DPYSL5: variants seen among roughly 807,000 people sequenced by gnomAD.
DPYSL5 encodes the protein dihydropyrimidinase like 5.
In DPYSL5, 9 loss-of-function variants were observed where a neutral mutation model predicts 58.4. The observed-to-expected ratio is 0.15, with a 90% CI of 0.09 to 0.27. DPYSL5 has a LOEUF of 0.27. Ranked by LOEUF, DPYSL5 falls within the 10% of genes least tolerant of loss-of-function variation. DPYSL5 has a pLI of 1.00. For synonymous variants in DPYSL5, 293 were observed against 301.9 expected (o/e 0.97, Z 0.31); for missense variants, 499 against 770.6 (o/e 0.65, Z 4.17).
At chr2:26,946,366 G>A (rs958324391) in intron 12 of DPYSL5, among the ~76,000 whole-genome samples, 13 of 151,578 alleles carry the variant, frequency 8.6e-5, no homozygotes, top group Admixed American at 3.9e-4. Flanking sequence ...TGGGCTCTCC[G>A]GGGCACTAGA....
chr2:26,887,519 G>A (rs1663750165), intron 1 of DPYSL5, among the ~76,000 whole-genome samples: 1 of 152,218 alleles, frequency 6.6e-6, no homozygotes, highest in Admixed American at 6.5e-5. Context: ...TCTTTGGCAG[G>A]ACTAAAACTG....
intron 2 of DPYSL5, among the ~76,000 whole-genome samples, chr2:26,909,489 T>C (rs1664377607): frequency 1.3e-5 from 2 of 152,142 alleles, no homozygotes; most frequent in South Asian, 4.1e-4. Flanking sequence ...CGGGGCTCAG[T>C]GGCTCGGTGG....
At position 26,905,565 on chromosome 2, in the gene DPYSL5, C is replaced by T. The variant is rs921369484; in HGVS notation, c.261+6805C>T. Among the ~76,000 whole-genome samples, 14 of 152,148 alleles carry T rather than the reference C, an allele frequency of 9.2e-5. No homozygotes were observed. Among genetic ancestry groups the T allele is most frequent in the African/African-American group, 2.2e-4 (9 of 41,426 alleles). On this transcript the variant is annotated intron_variant, in intron 2 of 12. Coordinates refer to ENST00000288699, the MANE Select transcript of DPYSL5 (RefSeq NM_020134.4). This position sits in a 1 kb window ranked among gnomAD's most constrained non-coding sequence, Gnocchi z 4.0. ...CACCTCCCAGCTCGTTTTCCATGCTCGTTCTTCCTGCTGCCCTACCACCCC... is the reference window on the plus strand; with the variant it reads ...CACCTCCCAGCTCGTTTTCCATGCTTGTTCTTCCTGCTGCCCTACCACCCC...
chr2:26,872,086 A>G (rs1472027848), intron 1 of DPYSL5, among the ~76,000 whole-genome samples: 1 of 152,242 alleles, frequency 6.6e-6, no homozygotes. Context: ...CTCCTCACTC[A>G]TAATTCAGTG....
intron 1 of DPYSL5, among the ~76,000 whole-genome samples, chr2:26,852,409 A>G (rs1440126553): frequency 6.6e-6 from 1 of 152,242 alleles, no homozygotes; most frequent in Non-Finnish European, 1.5e-5. Flanking sequence ...GTATTTATGT[A>G]TAAAAGTGGG....
In DPYSL5 at chr2:26,936,458, G is replaced by C. The variant is rs76725965; in HGVS notation, c.947+1724G>C. 2.7e-3 allele frequency among the ~76,000 whole-genome samples: 409 copies of C among 152,304 alleles called. 12 individuals carry two copies. The East Asian group carries it at 0.065, about 24-fold the overall frequency. ...TAGCCAATGCGAGTGGAGTGCCATCGATAGGGGCGTGGGCGAAGGTGGCCT... is the reference window on the plus strand; with the variant it reads ...TAGCCAATGCGAGTGGAGTGCCATCCATAGGGGCGTGGGCGAAGGTGGCCT... On this transcript the variant is annotated intron_variant, in intron 8 of 12. Transcript: ENST00000288699.
intron 6 of DPYSL5, among the ~76,000 whole-genome samples, chr2:26,932,115 A>AGAGAAAG (rs1481729901): frequency 7.0e-6 from 1 of 141,946 alleles, no homozygotes; most frequent in Non-Finnish European, 1.5e-5. Flanking sequence ...AAGAAAAGAA[A>AGAGAAAG]AAAGAAAGAG....
At chr2:26,932,189 A>AGAC (rs1665038716) in intron 6 of DPYSL5, among the ~76,000 whole-genome samples, 4 of 72,154 alleles carry the variant, frequency 5.5e-5, no homozygotes, top group South Asian at 5.3e-4. Context: ...GAAAGAAAGA[A>AGAC]AGAAAGAAAG....
rs546331720 is a variant in DPYSL5 at position 26,924,874 on chromosome 2, C to G, written c.262-13C>G. The G allele has an allele frequency of 1.2e-6, 2 of 1,611,856 alleles. No individual in the cohort carries two copies. The highest frequency in any genetic ancestry group is 1.7e-5 in the Admixed American group (1 of 59,846). On this transcript the variant is annotated splice_polypyrimidine_tract_variant and intron_variant, in intron 2 of 12. Coordinates refer to ENST00000288699, the MANE Select transcript of DPYSL5 (RefSeq NM_020134.4). This position sits in a 1 kb window ranked among gnomAD's most constrained non-coding sequence, Gnocchi z 4.7. ...CAGGGCTGTGACGAGACTGCCTTTT[C>G]CCGTCTTCCCAGGCAGCACTCGTCG...
chr2:26,888,136 A>T (rs971195371), intron 1 of DPYSL5, among the ~76,000 whole-genome samples: 1 of 152,200 alleles, frequency 6.6e-6, no homozygotes, highest in Non-Finnish European at 1.5e-5. Context: ...TTAATAGTCT[A>T]TGCAGCTCTA....
intron 1 of DPYSL5, among the ~76,000 whole-genome samples, chr2:26,865,348 T>C (rs1666115409): frequency 6.8e-6 from 1 of 147,098 alleles, no homozygotes; most frequent in African/African-American, 2.5e-5. Flanking sequence ...TAAGACGAAG[T>C]CTTGCTCTGT....
At chr2:26,863,598 C>A (rs906925058) in intron 1 of DPYSL5, among the ~76,000 whole-genome samples, 16 of 152,178 alleles carry the variant, frequency 1.1e-4, no homozygotes, top group African/African-American at 3.9e-4. Context: ...ACTAAGTGTG[C>A]AATGCAATGG....
At chr2:26,861,030 A>G (rs1202134791) in intron 1 of DPYSL5, among the ~76,000 whole-genome samples, 5 of 152,194 alleles carry the variant, frequency 3.3e-5, no homozygotes, top group Admixed American at 6.5e-5. Flanking sequence ...TCACCCTGTC[A>G]GAGACTCAAC....
upstream of DPYSL5, chr2:26,848,102 C>T (rs549609122): frequency 6.6e-6 from 1 of 151,658 alleles, no homozygotes; most frequent in African/African-American, 2.4e-5. Context: ...TCCCCCGCTC[C>T]CCACTCTGGA....
chr2:26,905,747 C>T lies in DPYSL5; in HGVS notation c.261+6987C>T, dbSNP rs569868812. On this transcript the variant is annotated intron_variant, in intron 2 of 12. Transcript: ENST00000288699. The surrounding 1 kb of genome is among the most constrained non-coding windows in gnomAD (Gnocchi z 4.0). ...GAGGACATCCCTCTACCCCCTCCAT[C>T]GGTACTTAGTCTGCTTGTAGAGGGT... 3.3e-5 allele frequency among the ~76,000 whole-genome samples: 5 copies of T among 152,298 alleles called. 1 individual carries two copies. The South Asian group carries it at 6.2e-4, about 19-fold the overall frequency.
intron 3 of DPYSL5, among the ~76,000 whole-genome samples, chr2:26,926,956 G>A (rs1447144331): frequency 1.3e-5 from 2 of 152,186 alleles, no homozygotes; most frequent in African/African-American, 2.4e-5. Flanking sequence ...AGGCTGGTTT[G>A]GAGACAGACA....
intron 1 of DPYSL5, among the ~76,000 whole-genome samples, chr2:26,886,788 C>T (rs1050825909): frequency 6.6e-6 from 1 of 152,148 alleles, no homozygotes; most frequent in East Asian, 1.9e-4. Flanking sequence ...CCCAGGGTGC[C>T]TTATGTGCCA....
intron 2 of DPYSL5, among the ~76,000 whole-genome samples, chr2:26,908,320 G>A (rs1481508545): frequency 1.3e-5 from 2 of 152,182 alleles, no homozygotes; most frequent in African/African-American, 4.8e-5. Context: ...GATAGTAATA[G>A]TGATAAATTC....
intron 12 of DPYSL5, among the ~76,000 whole-genome samples, chr2:26,946,170 C>T (rs112738802): frequency 9.8e-5 from 15 of 152,324 alleles, no homozygotes; most frequent in African/African-American, 3.4e-4. Flanking sequence ...TGCAGCCAGA[C>T]CCACGAGAGG....
Sources: allele counts gnomAD v4.1 joint callset (sites outside exome capture counted in the v4.1 genomes callset), GRCh38; gene constraint gnomAD v4.1.1; non-coding constraint Gnocchi (gnomAD v3.1); transcripts MANE v1.5; gene names NCBI Gene and HGNC (gene_info 2026-07-23, HGNC 2026-07-21).